Variants in SLC25A48 observed in about 807,000 individuals in gnomAD.
SLC25A48 encodes solute carrier family 25 member 48.
In SLC25A48, 29 loss-of-function variants were observed where a neutral mutation model predicts 32.2. The observed-to-expected ratio is 0.90, with a 90% CI of 0.67 to 1.23. The LOEUF (loss-of-function observed/expected upper bound fraction) is 1.23, where lower values mean the gene tolerates loss of function less well. SLC25A48 is among the 50% of genes most tolerant of loss of function. The probability of loss-of-function intolerance (pLI) is 0.00; values close to 1 mark genes in which losing one functional copy is unlikely to be tolerated. For missense variants in SLC25A48, 399 were observed against 422.7 expected, an observed-to-expected ratio of 0.94 and a Z score of 0.49; for synonymous variants, 164 against 172.3, an observed-to-expected ratio of 0.95 and a Z score of 0.38.
At chr5:135,601,128 G>A (rs1393960333) in intron 1 of SLC25A48, 1 of 152,230 alleles carries the variant, frequency 6.6e-6, no homozygotes, top group African/African-American at 2.4e-5. Flanking sequence ...GCTGACCACT[G>A]TGGGGAGGAA....
intron 3 of SLC25A48, among the ~76,000 whole-genome samples, chr5:135,714,182 G>A (rs1754741424): frequency 6.6e-6 from 1 of 152,186 alleles, no homozygotes; most frequent in Admixed American, 6.5e-5. Context: ...TCGGCTGAGG[G>A]GTTGGCATGC....
chr5:135,710,976 T>C (rs899114100), intron 3 of SLC25A48, among the ~76,000 whole-genome samples: 2 of 152,190 alleles, frequency 1.3e-5, no homozygotes, highest in African/African-American at 2.4e-5. Flanking sequence ...TGGGAAGCTT[T>C]GATTTGAAAT....
Position 135,790,992 on chromosome 5 carries a change from AC to A in SLC25A48, c.-520-21530del, listed in dbSNP as rs1233488163. On this transcript the variant is annotated intron_variant, in intron 3 of 10. Coordinates refer to the SLC25A48 transcript ENST00000646290. The stretch of plus-strand genomic sequence containing the variant: ...ACCCTTTGATATTATTTGTATAATT[AC>A]GGGGGGGGTGTTACTTCTAATGTCA... Among the ~76,000 whole-genome samples the A allele has an allele frequency of 1.0e-4, 8 of 78,704 alleles. No individual in the cohort carries two copies. The South Asian group carries it at 2.9e-3, about 29-fold the overall frequency. 51.6% of individuals were successfully genotyped at this position (78,704 alleles called of 152,430 possible). A position where few individuals can be genotyped will look rare whatever the true frequency, so the allele number is the denominator to read the frequency against.
At chr5:135,757,293 A>G (rs1027863682) in intron 3 of SLC25A48, among the ~76,000 whole-genome samples, 1 of 149,788 alleles carries the variant, frequency 6.7e-6, no homozygotes, top group African/African-American at 2.4e-5. Flanking sequence ...ACTAGTGTTA[A>G]CACACTATGA....
intron 1 of SLC25A48, among the ~76,000 whole-genome samples, chr5:135,590,617 AAC>A (rs1375020696): frequency 6.6e-6 from 1 of 151,956 alleles, no homozygotes; most frequent in African/African-American, 2.4e-5. Context: ...AGTGGAGGAG[AAC>A]AGAGACCTGC....
chr5:135,780,955 A>C lies in SLC25A48; in HGVS notation c.-520-31568A>C, dbSNP rs1345590207. ...TTTTTAATATTCAGGGTAAGAGCGG[A>C]TATTACTCCAAATATCTCAGGGAGT... On this transcript the variant is annotated intron_variant, in intron 3 of 10. Coordinates refer to the SLC25A48 transcript ENST00000646290. Among the ~76,000 whole-genome samples the C allele has an allele frequency of 1.5e-4, 17 of 116,468 alleles. 2 individuals are homozygous for C. Among genetic ancestry groups the C allele is most frequent in the African/African-American group, 3.9e-4 (15 of 38,192 alleles). The allele number at this position is 116,468 out of a possible 152,430, so 76.4% of individuals were successfully genotyped here.
At chr5:135,635,661 G>A (rs971659139) in intron 3 of SLC25A48, among the ~76,000 whole-genome samples, 4 of 152,126 alleles carry the variant, frequency 2.6e-5, no homozygotes, top group African/African-American at 4.8e-5. Context: ...CTTGATTTGC[G>A]GTTGTCAGTT....
chr5:135,884,561 C>A (rs568851725), intron 7 of SLC25A48, among the ~76,000 whole-genome samples: 1 of 152,128 alleles, frequency 6.6e-6, no homozygotes. Context: ...CATTCTGGTG[C>A]ATTGGAGAGG....
At chr5:135,807,917 T>C (rs1757501674) in intron 3 of SLC25A48, among the ~76,000 whole-genome samples, 1 of 150,542 alleles carries the variant, frequency 6.6e-6, no homozygotes, top group Non-Finnish European at 1.5e-5. Flanking sequence ...CACTGTATAT[T>C]ATAAATATCT....
intron 3 of SLC25A48, among the ~76,000 whole-genome samples, chr5:135,775,531 G>A (rs757155657): frequency 1.3e-5 from 2 of 151,166 alleles, no homozygotes; most frequent in East Asian, 2.0e-4. Flanking sequence ...TCCAAATATC[G>A]CAGGGGCTGT....
At chr5:135,763,765 A>ACACACACACT (rs1756124291) in intron 3 of SLC25A48, among the ~76,000 whole-genome samples, 1 of 74,040 alleles carries the variant, frequency 1.4e-5, no homozygotes, top group African/African-American at 4.5e-5. Context: ...ACACACACAT[A>ACACACACACT]CACACACACA....
In SLC25A48 at chr5:135,692,934, G is replaced by C. The variant is rs924869426; in HGVS notation, c.-521+57978G>C. On this transcript the variant is annotated intron_variant, in intron 3 of 10. Transcript: ENST00000646290. ...TAGAATATAAGGTCCAATGAGTAAA[G>C]GTCCTCTAAGTGCTTTAAATTTTCC... Among the ~76,000 whole-genome samples, 7 of 152,302 alleles carry C rather than the reference G, an allele frequency of 4.6e-5. No individual in the cohort carries two copies. In the South Asian group the frequency reaches 1.4e-3, roughly 32 times the overall value.
intron 3 of SLC25A48, among the ~76,000 whole-genome samples, chr5:135,771,812 G>A (rs925129134): frequency 6.6e-6 from 1 of 151,096 alleles, no homozygotes; most frequent in Admixed American, 6.6e-5. Flanking sequence ...TAATATTTAG[G>A]GGGGGGAGAA....
At chr5:135,770,422 G>T (rs916773352) in intron 3 of SLC25A48, among the ~76,000 whole-genome samples, 8 of 151,618 alleles carry the variant, frequency 5.3e-5, no homozygotes, top group African/African-American at 1.7e-4. Context: ...AGTATCGCAG[G>T]GGGTGGACAC....
chr5:135,695,085 C>T (rs1484815478), intron 3 of SLC25A48, among the ~76,000 whole-genome samples: 1 of 152,202 alleles, frequency 6.6e-6, no homozygotes, highest in African/African-American at 2.4e-5. Context: ...GTTCCTGCCT[C>T]ACCTCGGGCA....
At chr5:135,645,189 T>C (rs968718634) in intron 3 of SLC25A48, among the ~76,000 whole-genome samples, 2 of 152,174 alleles carry the variant, frequency 1.3e-5, no homozygotes, top group East Asian at 1.9e-4. Context: ...GTTGTTCACT[T>C]CTTTTGCATT....
intron 3 of SLC25A48, among the ~76,000 whole-genome samples, chr5:135,765,176 G>A (rs1756175737): frequency 6.6e-6 from 1 of 151,206 alleles, no homozygotes; most frequent in African/African-American, 2.4e-5. Context: ...CCCATATCGC[G>A]GGGTGTACAC....
At chr5:135,867,629 C>G (rs553984275) in intron 4 of SLC25A48, among the ~76,000 whole-genome samples, 1 of 152,278 alleles carries the variant, frequency 6.6e-6, no homozygotes, top group African/African-American at 2.4e-5. Context: ...CTATCTTATA[C>G]TGGTCATAGT....
intron 3 of SLC25A48, among the ~76,000 whole-genome samples, chr5:135,669,918 T>A (rs539661922): frequency 1.5e-3 from 221 of 152,280 alleles, no homozygotes; most frequent in Non-Finnish European, 2.8e-3. Flanking sequence ...TTAACTTCTT[T>A]CCAGAATTAG....
Sources: gnomAD v4.1 joint callset for allele counts (sites outside exome capture counted in the v4.1 genomes callset) on GRCh38, gnomAD v4.1.1 for gene constraint, MANE v1.5 for transcripts, NCBI Gene and HGNC (gene_info 2026-07-23, HGNC 2026-07-21) for gene names.